Variants in HS6ST3 observed in about 807,000 individuals in gnomAD.
HS6ST3 encodes the protein heparan-sulfate 6-O-sulfotransferase 3.
HS6ST3 carries 12 observed loss-of-function variants against 36.7 expected under a neutral mutation model. That is an observed-to-expected ratio of 0.33 (90% CI 0.21 to 0.53). The LOEUF (loss-of-function observed/expected upper bound fraction) is 0.53. Ranked by LOEUF, HS6ST3 falls within the 20% of genes least tolerant of loss-of-function variation. HS6ST3 has a pLI of 0.95. For missense variants in HS6ST3, 584 were observed against 640.9 expected, an observed-to-expected ratio of 0.91 and a Z score of 0.96; for synonymous variants, 240 against 257.5, an observed-to-expected ratio of 0.93 and a Z score of 0.65.
At chr13:96,686,111 A>G (rs1874770124) in intron 1 of HS6ST3, among the ~76,000 whole-genome samples, 1 of 152,128 alleles carries the variant, frequency 6.6e-6, no homozygotes, top group Middle Eastern at 3.4e-3. Flanking sequence ...CTGCAGTTAC[A>G]CACAACTCAT....
intron 1 of HS6ST3, among the ~76,000 whole-genome samples, chr13:96,190,366 G>A (rs2054283254): frequency 6.6e-6 from 1 of 152,114 alleles, no homozygotes; most frequent in Non-Finnish European, 1.5e-5. Context: ...TCTGTCCTGA[G>A]CTGCGTATTA....
intron 1 of HS6ST3, among the ~76,000 whole-genome samples, chr13:96,167,698 G>T (rs1345157153): frequency 2.0e-5 from 3 of 152,174 alleles, no homozygotes; most frequent in Non-Finnish European, 4.4e-5. Flanking sequence ...GCTGAATCGT[G>T]CAAGTACTCA....
Position 96,090,923 on chromosome 13 carries a change from A to C in HS6ST3, c.61A>C (p.Ile21Leu), listed in dbSNP as rs142119153. Residue 21 changes from isoleucine (I) to leucine (L), a missense_variant, in exon 1 of 2, where the codon ATC becomes CTC. By Grantham distance (5) the Ile-to-Leu change is conservative. Around this residue, in one of 3 missense-constraint regions of HS6ST3, gnomAD observed 217 missense variants for 205.4 expected, o/e 1.06. Transcript: ENST00000376705. Reference protein sequence around the residue: ...TPVLTLLFVVIMYQYVSPSCT... With the variant: ...TPVLTLLFVVLMYQYVSPSCT... ...GGTGCTCACTCTCCTCTTCGTGGTCATCATGTACCAGTACGTGTCCCCCTC... is the reference window on the plus strand; with the variant it reads ...GGTGCTCACTCTCCTCTTCGTGGTCCTCATGTACCAGTACGTGTCCCCCTC... 18 of 1,508,278 alleles carry C rather than the reference A, an allele frequency of 1.2e-5. No homozygotes were observed. Among genetic ancestry groups the C allele is most frequent in the Non-Finnish European group, 1.4e-5 (16 of 1,123,196 alleles). 93.4% of individuals were successfully genotyped at this position (1,508,278 alleles called of 1,614,324 possible). A position where few individuals can be genotyped will look rare whatever the true frequency, so the allele number is the denominator to read the frequency against.
intron 1 of HS6ST3, among the ~76,000 whole-genome samples, chr13:96,446,047 C>G (rs1594782070): frequency 6.6e-6 from 1 of 151,782 alleles, no homozygotes; most frequent in Non-Finnish European, 1.5e-5. Flanking sequence ...GTGGCGGGTG[C>G]CTGTAGTCCC....
At chr13:96,755,490 G>A (rs532619700) in intron 1 of HS6ST3, among the ~76,000 whole-genome samples, 64 of 152,058 alleles carry the variant, frequency 4.2e-4, no homozygotes, top group African/African-American at 1.3e-3. Context: ...TCAGCTTCCC[G>A]AGCAGCTGAG....
intron 1 of HS6ST3, among the ~76,000 whole-genome samples, chr13:96,466,447 A>G (rs2055814174): frequency 6.6e-6 from 1 of 151,966 alleles, no homozygotes. Flanking sequence ...CCCTCCATCT[A>G]CCTGCTGTCC....
intron 1 of HS6ST3, among the ~76,000 whole-genome samples, chr13:96,367,467 A>G (rs1227420140): frequency 1.3e-5 from 2 of 152,190 alleles, no homozygotes; most frequent in African/African-American, 2.4e-5. Flanking sequence ...TTGATCCACA[A>G]CTTCCTCAAA....
At chr13:96,303,519 T>G (rs909217848) in intron 1 of HS6ST3, among the ~76,000 whole-genome samples, 1 of 152,172 alleles carries the variant, frequency 6.6e-6, no homozygotes, top group Non-Finnish European at 1.5e-5. Flanking sequence ...TGAGGCATTC[T>G]GTGGGGGGCT....
intron 1 of HS6ST3, among the ~76,000 whole-genome samples, chr13:96,206,900 C>T (rs2139355025): frequency 6.6e-6 from 1 of 152,134 alleles, no homozygotes; most frequent in East Asian, 1.9e-4. Flanking sequence ...TAGGCATGGG[C>T]AAAGATTTCA....
At position 96,727,114 on chromosome 13, in the gene HS6ST3, CTT is replaced by C. The variant is rs1876024791; in HGVS notation, c.708-105374_708-105373del. Among the ~76,000 whole-genome samples the C allele has an allele frequency of 2.6e-5, 4 of 152,262 alleles. No homozygotes were observed. The East Asian group carries it at 7.7e-4, about 29-fold the overall frequency. ...ATCATTTTCTGTCTGGTTTAATACTCTTTACTCAGCACCTAATATTATCTGTC... is the reference window on the plus strand; with the variant it reads ...ATCATTTTCTGTCTGGTTTAATACTCTACTCAGCACCTAATATTATCTGTC... On this transcript the variant is annotated intron_variant, in intron 1 of 1. Transcript: ENST00000376705.
chr13:96,400,045 C>T (rs188783025), intron 1 of HS6ST3, among the ~76,000 whole-genome samples: 1 of 152,080 alleles, frequency 6.6e-6, no homozygotes, highest in East Asian at 1.9e-4. Flanking sequence ...AGTTTGAGTC[C>T]TGTTTTTCAT....
At chr13:96,626,067 C>T (rs1426703097) in intron 1 of HS6ST3, among the ~76,000 whole-genome samples, 3 of 151,912 alleles carry the variant, frequency 2.0e-5, no homozygotes, top group Non-Finnish European at 2.9e-5. Context: ...TGGTCTCGAT[C>T]TCGTGACCTC....
At chr13:96,177,603 A>C (rs2054218525) in intron 1 of HS6ST3, among the ~76,000 whole-genome samples, 1 of 152,018 alleles carries the variant, frequency 6.6e-6, no homozygotes. Context: ...TATGAACCCA[A>C]AGAAGGAAAC....
chr13:96,832,200 T>C (rs1289395841), intron 1 of HS6ST3, among the ~76,000 whole-genome samples: 1 of 152,158 alleles, frequency 6.6e-6, no homozygotes, highest in Non-Finnish European at 1.5e-5. Context: ...AATTTATCAG[T>C]GAATAATTGC....
intron 1 of HS6ST3, among the ~76,000 whole-genome samples, chr13:96,534,181 C>A (rs146780902): frequency 6.6e-6 from 1 of 152,270 alleles, no homozygotes; most frequent in African/African-American, 2.4e-5. Flanking sequence ...TATTTTTTAG[C>A]CCTACAGCAT....
rs564472704 is a variant in HS6ST3 at position 96,283,771 on chromosome 13, A to G, written c.707+192202A>G. Among the ~76,000 whole-genome samples, 127 of 152,256 alleles carry G rather than the reference A, an allele frequency of 8.3e-4. 1 individual carries two copies. The highest frequency in any genetic ancestry group is 3.4e-3 in the Middle Eastern group (1 of 294). On this transcript the variant is annotated intron_variant, in intron 1 of 1. Transcript: ENST00000376705. The stretch of plus-strand genomic sequence containing the variant: ...ATGGGACAGTGCTTTTAAAAGTTTA[A>G]TGTGCATACAGATCACCTTGGGAGC...
At chr13:96,635,205 T>C (rs2056545120) in intron 1 of HS6ST3, among the ~76,000 whole-genome samples, 2 of 152,138 alleles carry the variant, frequency 1.3e-5, no homozygotes, top group Admixed American at 6.5e-5. Context: ...AAAACACAGA[T>C]ATGAGTCTGT....
At chr13:96,657,690 G>T (rs893999084) in intron 1 of HS6ST3, among the ~76,000 whole-genome samples, 1 of 152,120 alleles carries the variant, frequency 6.6e-6, no homozygotes, top group Non-Finnish European at 1.5e-5. Flanking sequence ...CGGTGGACAT[G>T]CTAATACCAG....
At chr13:96,121,882 T>G (rs2139306622) in intron 1 of HS6ST3, among the ~76,000 whole-genome samples, 1 of 152,226 alleles carries the variant, frequency 6.6e-6, no homozygotes, top group East Asian at 1.9e-4. Flanking sequence ...ATACTGTAAT[T>G]TTTACTCATA....
Sources: allele counts gnomAD v4.1 joint callset (sites outside exome capture counted in the v4.1 genomes callset), GRCh38; gene constraint gnomAD v4.1.1; regional missense constraint gnomAD v4.1.1; transcripts MANE v1.5; gene names NCBI Gene and HGNC (gene_info 2026-07-23, HGNC 2026-07-21).